Variants in AARS1 observed in about 807,000 individuals in gnomAD.
The protein encoded by AARS1 is alanine--tRNA ligase, cytoplasmic.
In AARS1, 72 loss-of-function variants were observed where a neutral mutation model predicts 108.9. That is an observed-to-expected ratio of 0.66 (90% CI 0.55 to 0.80). The LOEUF (loss-of-function observed/expected upper bound fraction) is 0.80, where lower values mean the gene tolerates loss of function less well. Ranked by LOEUF, AARS1 falls within the 30% of genes least tolerant of loss-of-function variation. The probability of loss-of-function intolerance (pLI) is 0.00; values close to 1 mark genes in which losing one functional copy is unlikely to be tolerated. For synonymous variants in AARS1, 489 were observed against 465.7 expected (o/e 1.05, Z -0.64); for missense variants, 1,193 against 1,233.2 (o/e 0.97, Z 0.49).
At position 70,252,729 on chromosome 16, in the gene AARS1, T is replaced by C; in HGVS notation, c.2899A>G (p.Lys967Glu). ...SFAQLRLGDV[K>E]N ...GCCTCCTCCTTCCCCACTCAGTTCT[T>C]TACATCCCCGAGGCGCAGCTGGGCG... is the stretch of plus-strand genomic sequence containing the variant. Residue 967 changes from lysine to glutamate, a missense_variant, in exon 21 of 21, where the codon AAG (lysine) becomes GAG (glutamate). By Grantham distance (56) the Lys-to-Glu change is moderately conservative (BLOSUM62 1). Coordinates refer to ENST00000261772, the MANE Select transcript of AARS1 (RefSeq NM_001605.3). The C allele has an allele frequency of 6.2e-7, 1 of 1,614,090 alleles. No individual in the cohort carries two copies. Among genetic ancestry groups the C allele is most frequent in the East Asian group, 2.2e-5 (1 of 44,880 alleles).
rs1164147270 is a variant in AARS1 at position 70,258,117 on chromosome 16, G to A, written c.2093C>T (p.Ser698Phe). 1.2e-6 allele frequency: 2 copies of A among 1,613,840 alleles called. No individual in the cohort carries two copies. The highest frequency in any genetic ancestry group is 1.7e-6 in the Non-Finnish European group (2 of 1,179,874). The stretch of plus-strand genomic sequence containing the variant: ...CAACTCGGACACCGGGACCCCAATG[G>A]AGACGACTCGCACAGGGTCAGGATA... ...ETYPDPVRVV[S>F]IGVPVSELLD... Residue 698 changes from serine (S) to phenylalanine (F), a missense_variant, in exon 15 of 21, where the codon TCC becomes TTC. Physicochemically the swap from Ser to Phe is radical, Grantham distance 155 (BLOSUM62 -2). Transcript: ENST00000261772.
intron 4 of AARS1, among the ~76,000 whole-genome samples, chr16:70,273,863 C>CAAAAA (rs71385651): frequency 7.4e-5 from 4 of 54,236 alleles, no homozygotes; most frequent in East Asian, 5.6e-4. Context: ...ACTCCGTCTC[C>CAAAAA]AAAAAAAAAA....
At chr16:70,264,536 C>T (rs942665186) in intron 11 of AARS1, among the ~76,000 whole-genome samples, 1 of 151,942 alleles carries the variant, frequency 6.6e-6, no homozygotes, top group African/African-American at 2.4e-5. Context: ...AGGCTGGTCT[C>T]AAACTCCTGA....
chr16:70,264,809 T>C (rs1597439170), intron 11 of AARS1, 149 bp downstream of exon 11: 2 of 907,148 alleles, frequency 2.2e-6, no homozygotes, highest in Non-Finnish European at 1.8e-6. Flanking sequence ...AGGGTGCCTA[T>C]GTGTATAAAA....
intron 3 of AARS1, 54 bp downstream of exon 3, chr16:70,276,912 G>A (rs556017329): frequency 3.1e-6 from 5 of 1,588,992 alleles, no homozygotes; most frequent in South Asian, 2.2e-5. Context: ...AGTTCCCAGT[G>A]TGGAAAAGAC....
At chr16:70,265,743 T>C in intron 9 of AARS1, 81 bp from the exon 10 acceptor site, 2 of 1,575,388 alleles carry the variant, frequency 1.3e-6, no homozygotes, top group Non-Finnish European at 1.7e-6. Flanking sequence ...ATGCTGGGAC[T>C]GGCAGAAGGA....
At chr16:70,272,618 A>T (rs912860465) in intron 4 of AARS1, among the ~76,000 whole-genome samples, 1 of 151,818 alleles carries the variant, frequency 6.6e-6, no homozygotes. Flanking sequence ...GATATGCTCG[A>T]AACTCAATGA....
At chr16:70,285,508 G>A (rs1046854580) in intron 1 of AARS1, among the ~76,000 whole-genome samples, 1 of 151,968 alleles carries the variant, frequency 6.6e-6, no homozygotes, top group South Asian at 2.1e-4. Flanking sequence ...GAGCGCTGTG[G>A]CGCAATCTCA....
chr16:70,268,122 C>A (rs1000829182), intron 8 of AARS1, 149 bp downstream of exon 8: 35 of 774,242 alleles, frequency 4.5e-5, no homozygotes, highest in Non-Finnish European at 7.1e-5. Flanking sequence ...GAGCCAAGAT[C>A]ACTCTATTGC....
In AARS1 at chr16:70,265,520, A is replaced by T; in HGVS notation, c.1347+18T>A. 1 of 1,613,268 alleles carries T rather than the reference A, an allele frequency of 6.2e-7. No individual in the cohort carries two copies. The highest frequency in any genetic ancestry group is 1.3e-5 in the African/African-American group (1 of 74,866). On this transcript the variant is annotated intron_variant, in intron 10 of 20. Coordinates refer to ENST00000261772, the MANE Select transcript of AARS1 (RefSeq NM_001605.3). ...TTGGAAGGTGTTGGGTTTCCTGTTC[A>T]CTCTCCAAGTTCTTTACCTGGGCCA...
intron 11 of AARS1, 91 bp from the exon 12 acceptor site, chr16:70,262,615 A>G: frequency 7.8e-7 from 1 of 1,281,040 alleles, no homozygotes; most frequent in South Asian, 1.4e-5. Flanking sequence ...CTCTTTCGCA[A>G]ACTCTTCTTA....
chr16:70,254,802 C>G, intron 16 of AARS1, 68 bp from the exon 17 acceptor site: 1 of 1,109,758 alleles, frequency 9.0e-7, no homozygotes, highest in Non-Finnish European at 1.4e-6. Context: ...TGTGTCTGAG[C>G]AGCTGCGGAA....
intron 2 of AARS1, 23 bp downstream of exon 2, chr16:70,282,597 A>G: frequency 6.2e-7 from 1 of 1,614,006 alleles, no homozygotes; most frequent in African/African-American, 1.3e-5. Context: ...ACCAAAAGCC[A>G]AGAAAAAAGG....
chr16:70,277,900 G>C (rs192177066), intron 2 of AARS1, among the ~76,000 whole-genome samples: 72 of 151,928 alleles, frequency 4.7e-4, no homozygotes, highest in African/African-American at 1.6e-3. Context: ...TTACAGGCAC[G>C]TACAGGTACA....
intron 1 of AARS1, among the ~76,000 whole-genome samples, chr16:70,288,755 C>CG (rs1960942293): frequency 6.6e-6 from 1 of 151,400 alleles, no homozygotes; most frequent in Non-Finnish European, 1.5e-5. Flanking sequence ...TTAGTAAAGA[C>CG]GGGGTTTCAC....
chr16:70,288,118 T>TTC (rs1960905342), intron 1 of AARS1, among the ~76,000 whole-genome samples: 1 of 145,818 alleles, frequency 6.9e-6, no homozygotes, highest in Non-Finnish European at 1.5e-5. Context: ...TTTTTTTTTT[T>TTC]TTGAGACGGA....
intron 1 of AARS1, among the ~76,000 whole-genome samples, chr16:70,287,296 C>T (rs1390236431): frequency 1.4e-5 from 2 of 145,926 alleles, no homozygotes; most frequent in East Asian, 2.1e-4. Flanking sequence ...GGCATGGTAG[C>T]GGGCGCCTGT....
intron 15 of AARS1, among the ~76,000 whole-genome samples, chr16:70,256,663 A>G (rs749194629): frequency 6.6e-6 from 1 of 152,184 alleles, no homozygotes; most frequent in African/African-American, 2.4e-5. Flanking sequence ...ACAGGTAATC[A>G]GGCAAAGTGG....
At chr16:70,270,769 G>A (rs1238996868) in intron 5 of AARS1, among the ~76,000 whole-genome samples, 9 of 149,294 alleles carry the variant, frequency 6.0e-5, no homozygotes, top group African/African-American at 2.0e-4. Flanking sequence ...CCCAGGAGGC[G>A]GAGGTTGTGG....
Sources: gnomAD v4.1 joint callset for allele counts (sites outside exome capture counted in the v4.1 genomes callset) on GRCh38, gnomAD v4.1.1 for gene constraint, MANE v1.5 for transcripts, NCBI Gene and HGNC (gene_info 2026-07-23, HGNC 2026-07-21) for gene names.